Variants in PRKCH observed in about 807,000 individuals in gnomAD.
PRKCH encodes the protein protein kinase C eta type.
In PRKCH, 28 loss-of-function variants were observed where a neutral mutation model predicts 82.5. The ratio of observed to expected loss-of-function variants is 0.34; its 90% confidence interval spans 0.25 to 0.47. The LOEUF is 0.47. Ranked by LOEUF, PRKCH falls within the 20% of genes least tolerant of loss-of-function variation. The probability of loss-of-function intolerance (pLI) is 1.00; values close to 1 mark genes in which losing one functional copy is unlikely to be tolerated. For missense variants in PRKCH, 705 were observed against 881.8 expected, an observed-to-expected ratio of 0.80 and a Z score of 2.54; for synonymous variants, 322 against 327.4, an observed-to-expected ratio of 0.98 and a Z score of 0.18.
intron 2 of PRKCH, among the ~76,000 whole-genome samples, chr14:61,412,351 A>G (rs779050886): frequency 6.6e-5 from 10 of 152,214 alleles, no homozygotes; most frequent in Non-Finnish European, 7.3e-5. Context: ...AAATGGAGAA[A>G]ATAAACAAAA....
chr14:61,524,902 T>A (rs2042947485), intron 10 of PRKCH, among the ~76,000 whole-genome samples: 1 of 152,222 alleles, frequency 6.6e-6, no homozygotes, highest in African/African-American at 2.4e-5. Context: ...CTTTAAGGGG[T>A]AAAACATGTG....
At chr14:61,210,625 A>T (rs760660815) in intron 1 of PRKCH, among the ~76,000 whole-genome samples, 2 of 152,218 alleles carry the variant, frequency 1.3e-5, no homozygotes, top group Non-Finnish European at 2.9e-5. Flanking sequence ...ATTTAGACCC[A>T]GCCCTCATTT....
intron 9 of PRKCH, among the ~76,000 whole-genome samples, chr14:61,466,280 C>T (rs1885251617): frequency 6.6e-6 from 1 of 152,166 alleles, no homozygotes; most frequent in African/African-American, 2.4e-5. Flanking sequence ...GGACCAGACC[C>T]CTGGTCTCTC....
intron 1 of PRKCH, among the ~76,000 whole-genome samples, chr14:61,312,938 C>A (rs762352711): frequency 6.6e-6 from 1 of 152,158 alleles, no homozygotes; most frequent in Non-Finnish European, 1.5e-5. Context: ...ACATTAAGAT[C>A]ATTTGAATTG....
intron 1 of PRKCH, among the ~76,000 whole-genome samples, chr14:61,314,944 T>G (rs1439961910): frequency 6.6e-6 from 1 of 152,222 alleles, no homozygotes; most frequent in Non-Finnish European, 1.5e-5. Flanking sequence ...TTATCCATCA[T>G]GAAGTCTGGA....
chr14:61,528,979 T>TGTGTGTGG, intron 10 of PRKCH, 96 bp from the exon 11 acceptor site: 1 of 1,049,734 alleles, frequency 9.5e-7, no homozygotes, highest in East Asian at 2.8e-5. Flanking sequence ...CGCACGTGTG[T>TGTGTGTGG]GTGTGTGTGT....
intron 10 of PRKCH, among the ~76,000 whole-genome samples, chr14:61,514,622 T>C (rs1274285295): frequency 1.3e-5 from 2 of 152,114 alleles, no homozygotes; most frequent in Non-Finnish European, 2.9e-5. Context: ...ACATCCTCCC[T>C]AATCCTTCCT....
intron 1 of PRKCH, among the ~76,000 whole-genome samples, chr14:61,358,056 G>A (rs2046174413): frequency 6.6e-6 from 1 of 152,132 alleles, no homozygotes; most frequent in South Asian, 2.1e-4. Context: ...TGAATTTAGA[G>A]ACCATATTAT....
At chr14:61,430,276 A>G (rs1406571368) in intron 2 of PRKCH, among the ~76,000 whole-genome samples, 1 of 152,222 alleles carries the variant, frequency 6.6e-6, no homozygotes, top group Non-Finnish European at 1.5e-5. Context: ...AGATACCACT[A>G]GAAAGGCTAA....
chr14:61,216,255 C>T (rs769241631), intron 1 of PRKCH, among the ~76,000 whole-genome samples: 23 of 152,126 alleles, frequency 1.5e-4, no homozygotes, highest in Admixed American at 2.0e-4. Context: ...CACCTAAGGT[C>T]GGGAGTTCAA....
intron 1 of PRKCH, among the ~76,000 whole-genome samples, chr14:61,346,270 T>C (rs965382369): frequency 2.0e-5 from 3 of 152,174 alleles, no homozygotes; most frequent in Non-Finnish European, 4.4e-5. Context: ...TTTGGATATA[T>C]CTCCCCTTAA....
chr14:61,205,842 C>T (rs779807394), intron 1 of PRKCH, among the ~76,000 whole-genome samples: 5 of 152,224 alleles, frequency 3.3e-5, no homozygotes, highest in Admixed American at 1.3e-4. Flanking sequence ...CCCAGTAGGA[C>T]TGATCCTCTG....
intron 1 of PRKCH, among the ~76,000 whole-genome samples, chr14:61,370,297 T>G (rs996928476): frequency 6.6e-6 from 1 of 152,104 alleles, no homozygotes; most frequent in South Asian, 2.1e-4. Context: ...ATACTTTCTT[T>G]GGTTGTTGGA....
At chr14:61,248,764 GTATGTA>G (rs1207903823) in intron 1 of PRKCH, among the ~76,000 whole-genome samples, 1 of 94,496 alleles carries the variant, frequency 1.1e-5, no homozygotes, top group Non-Finnish European at 2.0e-5. Flanking sequence ...ATGTATGTAT[GTATGTA>G]TGTATGTATG....
At chr14:61,364,122 C>T (rs1014798487) in intron 1 of PRKCH, among the ~76,000 whole-genome samples, 5 of 150,856 alleles carry the variant, frequency 3.3e-5, no homozygotes, top group African/African-American at 9.8e-5. Context: ...ATCCTCCTGC[C>T]TTGGCCTCCC....
At position 61,265,729 on chromosome 14, in the gene PRKCH, A is replaced by C. The variant is rs1465639740; in HGVS notation, c.-19+78061A>C. On this transcript the variant is annotated intron_variant, in intron 1 of 3. Transcript: ENST00000555185. Reference sequence around the variant, plus strand: ...AAACATAAAACTGCAATATTGCTACATTAGTGTACAGTGCTAATGTTTGCT... The same window carrying C: ...AAACATAAAACTGCAATATTGCTACCTTAGTGTACAGTGCTAATGTTTGCT... Among the ~76,000 whole-genome samples, 7 of 152,246 alleles carry C rather than the reference A, an allele frequency of 4.6e-5. No individual in the cohort carries two copies. The South Asian group carries it at 6.2e-4, about 14-fold the overall frequency.
intron 2 of PRKCH, among the ~76,000 whole-genome samples, chr14:61,395,071 A>G (rs1013234121): frequency 2.0e-5 from 3 of 152,156 alleles, no homozygotes; most frequent in Non-Finnish European, 4.4e-5. Flanking sequence ...TAGACTTTTA[A>G]TGCTAAAATT....
Position 61,550,074 on chromosome 14 carries a change from A to G in PRKCH, c.*243A>G. 2.5e-6 allele frequency: 1 copy of G among 400,558 alleles called. No homozygotes were observed. Among genetic ancestry groups the G allele is most frequent in the African/African-American group, 2.0e-5 (1 of 50,332 alleles). 24.8% of individuals were successfully genotyped at this position (400,558 alleles called of 1,614,324 possible). A position where few individuals can be genotyped will look rare whatever the true frequency, so the allele number is the denominator to read the frequency against. Reference sequence around the variant, plus strand: ...TTTTATGAAGTATACCGCTCCACCTATGAGCGTCTGTCTCTGTGGGCTTGG... The same window carrying G: ...TTTTATGAAGTATACCGCTCCACCTGTGAGCGTCTGTCTCTGTGGGCTTGG... On this transcript the variant is annotated 3_prime_UTR_variant, in exon 14 of 14. Coordinates refer to ENST00000332981, the MANE Select transcript of PRKCH (RefSeq NM_006255.5).
intron 2 of PRKCH, among the ~76,000 whole-genome samples, chr14:61,434,265 T>A (rs543535217): frequency 6.6e-6 from 1 of 152,330 alleles, no homozygotes; most frequent in East Asian, 1.9e-4. Context: ...CATTTTGAGA[T>A]GTTTTTCAGA....
Sources: gnomAD v4.1 joint callset for allele counts (sites outside exome capture counted in the v4.1 genomes callset) on GRCh38, gnomAD v4.1.1 for gene constraint, MANE v1.5 for transcripts, NCBI Gene and HGNC (gene_info 2026-07-23, HGNC 2026-07-21) for gene names.